Variants in INSL6 observed in about 807,000 individuals in gnomAD.
INSL6 encodes the protein insulin-like peptide INSL6.
Under a neutral mutation model 9.4 loss-of-function variants are expected in INSL6, and 16 were observed. That is an observed-to-expected ratio of 1.70 (90% confidence interval 1.15 to 2.59). The LOEUF (loss-of-function observed/expected upper bound fraction) is 2.59. Among genes scored for constraint, INSL6 ranks in the 30% most tolerant of loss-of-function variants. INSL6 has a pLI of 0.00. For missense variants in INSL6, 391 were observed against 257.3 expected (o/e 1.52, Z -3.56); for synonymous variants, 154 against 96.9 (o/e 1.59, Z -3.46).
chr9:5,076,635 A>T, the INSL6 span, among the ~76,000 whole-genome samples: 1 of 152,166 alleles, frequency 6.6e-6, no homozygotes. Flanking sequence ...TTGCTTTATT[A>T]TGGTAGTCTA....
chr9:5,180,039 T>C (rs117035085), intron 1 of INSL6, among the ~76,000 whole-genome samples: 5 of 152,120 alleles, frequency 3.3e-5, no homozygotes, highest in African/African-American at 1.2e-4. Flanking sequence ...CTCTTCAAAT[T>C]AGTGTATATA....
At chr9:4,996,521 A>G in the INSL6 span, among the ~76,000 whole-genome samples, 1 of 151,990 alleles carries the variant, frequency 6.6e-6, no homozygotes, top group African/African-American at 2.4e-5. Context: ...TCTTATTTAT[A>G]TGTATAATTT....
intron 2 of INSL6, among the ~76,000 whole-genome samples, chr9:5,147,298 G>A (rs1824619127): frequency 6.6e-6 from 1 of 152,204 alleles, no homozygotes; most frequent in South Asian, 2.1e-4. Context: ...GGGGCCCACA[G>A]GAGACAGTCT....
intron 1 of INSL6, among the ~76,000 whole-genome samples, chr9:5,172,739 C>G (rs1262623863): frequency 6.6e-6 from 1 of 152,052 alleles, no homozygotes; most frequent in Non-Finnish European, 1.5e-5. Context: ...ACCAGTCTGG[C>G]CAATGTAGTG....
At chr9:5,063,216 T>A in the INSL6 span, among the ~76,000 whole-genome samples, 21 of 152,218 alleles carry the variant, frequency 1.4e-4, no homozygotes, top group African/African-American at 4.3e-4. Context: ...TATAACTTTT[T>A]CCAGGAGTTA....
At chr9:5,041,978 G>C in the INSL6 span, 1 of 368,192 alleles carries the variant, frequency 2.7e-6, no homozygotes, top group African/African-American at 2.1e-5. Context: ...TGGGGAGCGA[G>C]CTTGTGTGAG....
At chr9:5,066,832 C>A in the INSL6 span, 1 of 818,732 alleles carries the variant, frequency 1.2e-6, no homozygotes, top group Non-Finnish European at 1.8e-6. Flanking sequence ...TTATTTAGTT[C>A]ATTTAATTTC....
intron 2 of INSL6, among the ~76,000 whole-genome samples, chr9:5,142,272 G>C (rs564806981): frequency 6.6e-6 from 1 of 152,122 alleles, no homozygotes; most frequent in African/African-American, 2.4e-5. Flanking sequence ...AGCTTAACAG[G>C]TATAACACTG....
At chr9:5,039,512 T>C in the INSL6 span, among the ~76,000 whole-genome samples, 1 of 151,966 alleles carries the variant, frequency 6.6e-6, no homozygotes, top group African/African-American at 2.4e-5. Context: ...GTGTGGGAGG[T>C]TCTGGAACTA....
At chr9:5,045,941 A>G in the INSL6 span, among the ~76,000 whole-genome samples, 1 of 151,880 alleles carries the variant, frequency 6.6e-6, no homozygotes, top group Non-Finnish European at 1.5e-5. Context: ...TAAATTTATA[A>G]TTTTTTTTGA....
chr9:5,071,715 C>T, the INSL6 span, among the ~76,000 whole-genome samples: 4 of 152,146 alleles, frequency 2.6e-5, no homozygotes, highest in Admixed American at 6.6e-5. Context: ...TATAAGGAGA[C>T]AATAGATAGA....
downstream of INSL6, chr9:5,122,972 C>A (rs747247299): frequency 7.3e-7 from 1 of 1,374,726 alleles, no homozygotes; most frequent in African/African-American, 1.4e-5. Flanking sequence ...TATCAAGTAA[C>A]TGTCTTTTAA....
At chr9:5,090,716 A>G in the INSL6 span, 1 of 1,568,914 alleles carries the variant, frequency 6.4e-7, no homozygotes. Flanking sequence ...AAACTAGCTG[A>G]AAGAAAAATG....
At chr9:5,005,288 C>G in the INSL6 span, among the ~76,000 whole-genome samples, 1 of 151,258 alleles carries the variant, frequency 6.6e-6, no homozygotes, top group Non-Finnish European at 1.5e-5. Flanking sequence ...CGGTCCTTTG[C>G]CCATTTTTAA....
chr9:5,014,004 A>G, the INSL6 span, among the ~76,000 whole-genome samples: 2 of 152,092 alleles, frequency 1.3e-5, no homozygotes, highest in Admixed American at 6.5e-5. Context: ...TTACTTCTTC[A>G]TGTATATTTA....
At chr9:4,997,741 G>T in the INSL6 span, among the ~76,000 whole-genome samples, 4 of 152,278 alleles carry the variant, frequency 2.6e-5, no homozygotes, top group Admixed American at 2.0e-4. Context: ...ATTAGGAGTG[G>T]ATTTTAGGAC....
At chr9:5,087,523 TTCTATCTTAAA>T in the INSL6 span, among the ~76,000 whole-genome samples, 1 of 151,962 alleles carries the variant, frequency 6.6e-6, no homozygotes, top group Non-Finnish European at 1.5e-5. Context: ...CCTTCTGGTT[TTCTATCTTAAA>T]TCTTTCTTTT....
At chr9:5,014,425 C>A in the INSL6 span, among the ~76,000 whole-genome samples, 2 of 152,122 alleles carry the variant, frequency 1.3e-5, no homozygotes, top group African/African-American at 4.8e-5. Flanking sequence ...ATCCTAGGCA[C>A]TGAGTGCAGT....
chr9:5,061,326 A>G, the INSL6 span, among the ~76,000 whole-genome samples: 1 of 152,214 alleles, frequency 6.6e-6, no homozygotes, highest in Non-Finnish European at 1.5e-5. Context: ...CCTAGATGGC[A>G]TATTCTTCCA....
Sources: gnomAD v4.1 joint callset for allele counts (sites outside exome capture counted in the v4.1 genomes callset) on GRCh38, gnomAD v4.1.1 for gene constraint, MANE v1.5 for transcripts, NCBI Gene and HGNC (gene_info 2026-07-23, HGNC 2026-07-21) for gene names.